RAD54B: variants seen among roughly 807,000 people sequenced by gnomAD.
RAD54B encodes RAD54 homolog B.
RAD54B carries 78 observed loss-of-function variants against 95.8 expected under a neutral mutation model. The ratio of observed to expected loss-of-function variants is 0.81; its 90% CI spans 0.68 to 0.98. The LOEUF (loss-of-function observed/expected upper bound fraction) is 0.98. Among genes scored for constraint, RAD54B ranks in the 50% least tolerant of loss-of-function variants. The pLI is 0.00. For synonymous variants in RAD54B, 328 were observed against 354.9 expected, an observed-to-expected ratio of 0.92 and a Z score of 0.85; for missense variants, 957 against 1,056.6, an observed-to-expected ratio of 0.91 and a Z score of 1.31.
At chr8:94,440,986 T>C (rs151309698) in intron 3 of RAD54B, among the ~76,000 whole-genome samples, 1,820 of 152,230 alleles carry the variant, frequency 0.012, 129 homozygotes, top group Admixed American at 0.11. Context: ...AACCTAGTAG[T>C]TAAAAATTAA....
intron 6 of RAD54B, 63 bp from the exon 7 acceptor site, chr8:94,400,526 A>G: frequency 1.5e-6 from 2 of 1,319,340 alleles, no homozygotes; most frequent in Non-Finnish European, 2.1e-6. Flanking sequence ...TCTTAAAATC[A>G]TCAAGAACCA....
rs35235038 is a variant in RAD54B at position 94,399,499 on chromosome 8, G to T, written c.1293C>A (p.Asp431Glu). The change falls in exon 8 of 15, where the codon GAC (aspartate) becomes GAA (glutamate). Residue 431 changes from aspartate (D) to glutamate (E), a missense_variant. Physicochemically the swap from Asp to Glu is conservative, Grantham distance 45. Coordinates refer to ENST00000336148, the MANE Select transcript of RAD54B (RefSeq NM_012415.3). ...KNIKFDLLICDEGHRLKNSAI... is the reference protein window; with the variant it reads ...KNIKFDLLICEEGHRLKNSAI... ...CACTGTTCTTCAAACGATGCCCCTC[G>T]TCACAGATTAGAAGATCAAATTTTA... The T allele has an allele frequency of 8.1e-6, 13 of 1,613,468 alleles. 1 individual carries two copies. In the South Asian group the frequency reaches 1.4e-4, roughly 18 times the overall value.
intron 1 of RAD54B, among the ~76,000 whole-genome samples, chr8:94,472,617 C>A (rs1015463240): frequency 2.0e-5 from 3 of 152,104 alleles, no homozygotes; most frequent in Non-Finnish European, 4.4e-5. Context: ...AAAATTCTGA[C>A]ACTTTTTAAA....
At position 94,411,258 on chromosome 8, in the gene RAD54B, C is replaced by A. The variant is rs1338129135; in HGVS notation, c.362G>T (p.Ser121Ile). 14 of 1,608,666 alleles carry A rather than the reference C, an allele frequency of 8.7e-6. No individual in the cohort carries two copies. The South Asian group carries it at 1.6e-4, about 18-fold the overall frequency. The change falls in exon 4 of 15, where the codon AGC becomes ATC. Residue 121 changes from serine (S) to isoleucine (I), a missense_variant. Physicochemically the swap from Ser to Ile is moderately radical, Grantham distance 142. Transcript: ENST00000336148. ...VSKEQEEKSD[S>I]LVKYFSVVWC... ...AACAACACTGAAATATTTAACTAGGCTATCAGATTTCTCTTCTTGTTCCTT... is the reference window on the plus strand; with the variant it reads ...AACAACACTGAAATATTTAACTAGGATATCAGATTTCTCTTCTTGTTCCTT...
intron 10 of RAD54B, among the ~76,000 whole-genome samples, chr8:94,390,032 T>C (rs1189407475): frequency 6.6e-6 from 1 of 152,166 alleles, no homozygotes; most frequent in Non-Finnish European, 1.5e-5. Flanking sequence ...TATCACTGTA[T>C]ATAGAATCAG....
intron 3 of RAD54B, among the ~76,000 whole-genome samples, chr8:94,435,442 T>C (rs1812229495): frequency 6.6e-6 from 1 of 152,086 alleles, no homozygotes. Context: ...AGGGATTTCA[T>C]AGTAATCAAT....
intron 3 of RAD54B, among the ~76,000 whole-genome samples, chr8:94,413,193 A>G (rs1033990064): frequency 2.0e-5 from 3 of 152,218 alleles, no homozygotes; most frequent in African/African-American, 7.2e-5. Context: ...GGACATTTTT[A>G]GTAAAATTGG....
intron 3 of RAD54B, among the ~76,000 whole-genome samples, chr8:94,437,888 A>G: frequency 6.6e-6 from 1 of 152,362 alleles, no homozygotes; most frequent in South Asian, 2.1e-4. Flanking sequence ...GTATGAAAAT[A>G]TATGATACAT....
chr8:94,426,083 G>A (rs975315865), intron 3 of RAD54B, among the ~76,000 whole-genome samples: 6 of 151,982 alleles, frequency 3.9e-5, no homozygotes, highest in Admixed American at 6.5e-5. Context: ...CTCCTGAGTA[G>A]CTGGGATTAC....
At chr8:94,432,358 A>T in intron 3 of RAD54B, 1 of 1,550,398 alleles carries the variant, frequency 6.4e-7, no homozygotes, top group Non-Finnish European at 8.7e-7. Context: ...AGTGACCTAA[A>T]GTGTTCACCA....
At chr8:94,407,822 A>C in intron 4 of RAD54B, 102 bp from the exon 5 acceptor site, 2 of 874,428 alleles carry the variant, frequency 2.3e-6, no homozygotes, top group Non-Finnish European at 3.4e-6. Flanking sequence ...AAATAGTCTT[A>C]TATAATGCAT....
At chr8:94,422,771 TATA>T (rs1246586200) in intron 3 of RAD54B, among the ~76,000 whole-genome samples, 1 of 143,490 alleles carries the variant, frequency 7.0e-6, no homozygotes, top group African/African-American at 2.5e-5. Context: ...TATATATATA[TATA>T]TAATTGTTAG....
intron 3 of RAD54B, among the ~76,000 whole-genome samples, chr8:94,420,396 C>T (rs1811775005): frequency 1.3e-5 from 2 of 151,364 alleles, no homozygotes. Flanking sequence ...GCTGGGACTA[C>T]AGGCATGCAC....
At chr8:94,398,946 G>A (rs1260410985) in intron 8 of RAD54B, among the ~76,000 whole-genome samples, 2 of 152,080 alleles carry the variant, frequency 1.3e-5, no homozygotes, top group African/African-American at 4.8e-5. Flanking sequence ...ATGTCAGGTA[G>A]TTATAAATAA....
intron 3 of RAD54B, among the ~76,000 whole-genome samples, chr8:94,438,995 G>C (rs1332502731): frequency 6.6e-6 from 1 of 152,186 alleles, no homozygotes; most frequent in African/African-American, 2.4e-5. Flanking sequence ...GGGAACCTGA[G>C]GTGGAAGGAT....
intron 3 of RAD54B, among the ~76,000 whole-genome samples, chr8:94,441,090 C>T (rs1292068492): frequency 6.7e-6 from 1 of 148,792 alleles, no homozygotes; most frequent in African/African-American, 2.6e-5. Flanking sequence ...TCACTCTGAC[C>T]ACCGGTGCAT....
At chr8:94,400,584 G>T in intron 6 of RAD54B, 121 bp from the exon 7 acceptor site, 3 of 731,120 alleles carry the variant, frequency 4.1e-6, no homozygotes, top group Non-Finnish European at 6.5e-6. Context: ...TACTTCATTA[G>T]CTGATTTACA....
At chr8:94,431,782 G>T in intron 3 of RAD54B, 1 of 999,810 alleles carries the variant, frequency 1.0e-6, no homozygotes. Flanking sequence ...TCTAATTATA[G>T]CTTTCAAAGT....
At chr8:94,399,855 G>A (rs1432377211) in intron 7 of RAD54B, among the ~76,000 whole-genome samples, 1 of 152,112 alleles carries the variant, frequency 6.6e-6, no homozygotes, top group Non-Finnish European at 1.5e-5. Flanking sequence ...AGCATGGTTG[G>A]GTTCTGGTGA....
Sources: gnomAD v4.1 joint callset for allele counts (sites outside exome capture counted in the v4.1 genomes callset) on GRCh38, gnomAD v4.1.1 for gene constraint, MANE v1.5 for transcripts, NCBI Gene and HGNC (gene_info 2026-07-23, HGNC 2026-07-21) for gene names.